The following ZNF609 variants were observed in gnomAD, a reference collection of about 807,000 sequenced individuals.
ZNF609 encodes the protein zinc finger protein 609.
A neutral mutation model predicts 109.5 loss-of-function variants in ZNF609; 11 were observed. The ratio of observed to expected loss-of-function variants is 0.10; its 90% confidence interval spans 0.06 to 0.17. The LOEUF is 0.17. ZNF609 is among the 10% of genes least tolerant of loss of function. ZNF609 has a pLI of 1.00. For missense variants in ZNF609, 1,559 were observed against 1,772.4 expected, an observed-to-expected ratio of 0.88 and a Z score of 2.16; for synonymous variants, 646 against 662.0, an observed-to-expected ratio of 0.98 and a Z score of 0.37.
chr15:64,592,995 G>A lies in ZNF609; in HGVS notation c.748-29832G>A, dbSNP rs1204383974. The A allele has an allele frequency of 2.7e-6, 4 of 1,499,792 alleles. No homozygotes were observed. In the East Asian group the frequency reaches 9.0e-5, roughly 34 times the overall value. The allele number at this position is 1,499,792 out of a possible 1,614,324, so 92.9% of individuals were successfully genotyped here. A position where few individuals can be genotyped will look rare whatever the true frequency, so the allele number is the denominator to read the frequency against. ...GCCTCCAAGATGACAAAGAAAAGAA[G>A]GAACAATGGTCGTGCCAAAAAGGGC... On this transcript the variant is annotated intron_variant, in intron 2 of 9. Coordinates refer to ENST00000326648, the MANE Select transcript of ZNF609 (RefSeq NM_015042.2).
At chr15:64,632,212 C>T (rs547368741) in intron 3 of ZNF609, among the ~76,000 whole-genome samples, 1 of 151,928 alleles carries the variant, frequency 6.6e-6, no homozygotes, top group Non-Finnish European at 1.5e-5. Context: ...GTCACCATGC[C>T]TGGGTAGTTA....
chr15:64,622,151 C>T (rs978290734), intron 2 of ZNF609, among the ~76,000 whole-genome samples: 3 of 152,068 alleles, frequency 2.0e-5, no homozygotes, highest in Non-Finnish European at 4.4e-5. Flanking sequence ...AATTATATTC[C>T]AAGATGCCAT....
chr15:64,670,402 G>T lies in ZNF609; in HGVS notation c.1030G>T (p.Asp344Tyr). 1 of 1,614,120 alleles carries T rather than the reference G, an allele frequency of 6.2e-7. No homozygotes were observed. The highest frequency in any genetic ancestry group is 1.1e-5 in the South Asian group (1 of 91,070). ...CAAGACATATGTAGGTACACTCCTT[G>T]ACTGCACACGACATGATTGGGCACC... is the stretch of plus-strand genomic sequence containing the variant. ...RNKTYVGTLL[D>Y]CTRHDWAPPR... is the part of the protein sequence containing the mutation. The change falls in exon 4 of 10, where the codon GAC (aspartate) becomes TAC (tyrosine). Residue 344 changes from aspartate to tyrosine, a missense_variant. Physicochemically the swap from Asp to Tyr is radical, Grantham distance 160. Transcript: ENST00000326648.
chr15:64,607,663 C>T (rs1895625767), intron 2 of ZNF609, among the ~76,000 whole-genome samples: 2 of 151,552 alleles, frequency 1.3e-5, no homozygotes, highest in South Asian at 4.1e-4. Flanking sequence ...TGCCACCACA[C>T]CTGGCTAATT....
intron 2 of ZNF609, among the ~76,000 whole-genome samples, chr15:64,597,752 A>G (rs542885106): frequency 2.6e-5 from 4 of 152,268 alleles, no homozygotes; most frequent in Non-Finnish European, 4.4e-5. Flanking sequence ...ATGAATATCT[A>G]TCTGCTCTAG....
At chr15:64,601,546 G>C (rs560672337) in intron 2 of ZNF609, among the ~76,000 whole-genome samples, 5 of 152,208 alleles carry the variant, frequency 3.3e-5, no homozygotes, top group African/African-American at 1.2e-4. Context: ...AAAGATGAAT[G>C]TGCTTAAGCA....
At position 64,680,680 on chromosome 15, in the gene ZNF609, G is replaced by A. The variant is rs751057227; in HGVS notation, c.3980G>A (p.Gly1327Glu). Residue 1327 changes from glycine (G) to glutamate (E), a missense_variant, in exon 8 of 10, where the codon GGA (glycine) becomes GAA (glutamate). Physicochemically the swap from Gly to Glu is moderately conservative, Grantham distance 98. Coordinates refer to ENST00000326648, the MANE Select transcript of ZNF609 (RefSeq NM_015042.2). ...SDKTSQERDR[G>E]GCGVVGGGGS... ...AAAACTTCTCAGGAGAGAGATCGAG[G>A]AGGCTGTGGGGTGGTTGGGGGTGGT... is the stretch of plus-strand genomic sequence containing the variant. 6.2e-7 allele frequency: 1 copy of A among 1,608,210 alleles called. No homozygotes were observed. Among genetic ancestry groups the A allele is most frequent in the Non-Finnish European group, 8.5e-7 (1 of 1,177,068 alleles).
At chr15:64,568,505 T>TA (rs1456103594) in intron 2 of ZNF609, among the ~76,000 whole-genome samples, 3 of 152,194 alleles carry the variant, frequency 2.0e-5, no homozygotes, top group Non-Finnish European at 2.9e-5. Context: ...CCAGACCACA[T>TA]ATATCAGAAT....
chr15:64,485,450 G>GT (rs1482499159), intron 1 of ZNF609, among the ~76,000 whole-genome samples: 1 of 152,126 alleles, frequency 6.6e-6, no homozygotes, highest in Non-Finnish European at 1.5e-5. Context: ...GTGTTTGCAT[G>GT]TTTTTTAAAT....
At chr15:64,503,183 T>A (rs1241988963) in intron 2 of ZNF609, 3 of 152,216 alleles carry the variant, frequency 2.0e-5, no homozygotes, top group Admixed American at 2.0e-4. Flanking sequence ...CTTCATGGGA[T>A]CCCACTTTTG....
intron 2 of ZNF609, among the ~76,000 whole-genome samples, chr15:64,514,236 G>T (rs80054421): frequency 0.021 from 3,191 of 152,106 alleles, 122 homozygotes; most frequent in African/African-American, 0.07. Flanking sequence ...ACATACAGTT[G>T]ATTTTATAAT....
intron 2 of ZNF609, among the ~76,000 whole-genome samples, chr15:64,595,877 G>C (rs1895388511): frequency 6.6e-6 from 1 of 152,196 alleles, no homozygotes; most frequent in Admixed American, 6.5e-5. Context: ...CATTTGGAAT[G>C]ACAGTGACTG....
chr15:64,467,571 G>A (rs1893033189), intron 1 of ZNF609, among the ~76,000 whole-genome samples: 1 of 152,238 alleles, frequency 6.6e-6, no homozygotes, highest in African/African-American at 2.4e-5. Context: ...CCTTAGCCCG[G>A]TGCGGTGGCT....
intron 2 of ZNF609, among the ~76,000 whole-genome samples, chr15:64,507,777 TAGAG>T (rs1275998447): frequency 5.9e-5 from 9 of 152,124 alleles, no homozygotes; most frequent in Admixed American, 3.9e-4. Flanking sequence ...CCATTTGAAA[TAGAG>T]AGCAGAGGGA....
At chr15:64,513,445 A>G (rs1893762142) in intron 2 of ZNF609, among the ~76,000 whole-genome samples, 1 of 152,218 alleles carries the variant, frequency 6.6e-6, no homozygotes, top group African/African-American at 2.4e-5. Flanking sequence ...AGACTGAGAA[A>G]TTCTTTCATT....
intron 1 of ZNF609, among the ~76,000 whole-genome samples, chr15:64,484,675 C>A (rs1434829965): frequency 7.1e-3 from 493 of 69,862 alleles, no homozygotes; most frequent in South Asian, 0.013. Flanking sequence ...GACTCTGTCT[C>A]AAAAAAAAAA....
intron 2 of ZNF609, chr15:64,593,093 T>C: frequency 6.3e-7 from 1 of 1,594,320 alleles, no homozygotes; most frequent in Non-Finnish European, 8.5e-7. Flanking sequence ...CATTAAGAAA[T>C]TCGTCATTCG....
At chr15:64,666,787 T>C (rs1444501473) in intron 3 of ZNF609, among the ~76,000 whole-genome samples, 1 of 151,322 alleles carries the variant, frequency 6.6e-6, no homozygotes, top group African/African-American at 2.4e-5. Flanking sequence ...AGTGCTGGGA[T>C]TACAGGCATG....
intron 2 of ZNF609, among the ~76,000 whole-genome samples, chr15:64,563,366 G>A (rs1218688448): frequency 2.1e-5 from 3 of 145,446 alleles, no homozygotes; most frequent in African/African-American, 7.7e-5. Context: ...TGGGAGGATT[G>A]ATGGAACCCA....
Sources: allele counts gnomAD v4.1 joint callset (sites outside exome capture counted in the v4.1 genomes callset), GRCh38; gene constraint gnomAD v4.1.1; transcripts MANE v1.5; gene names NCBI Gene and HGNC (gene_info 2026-07-23, HGNC 2026-07-21).